The following NECAB2 variants were observed in gnomAD, a reference collection of about 807,000 sequenced individuals.
NECAB2 encodes the protein N-terminal EF-hand calcium-binding protein 2.
Under a neutral mutation model 51.9 loss-of-function variants are expected in NECAB2, and 68 were observed. The ratio of observed to expected loss-of-function variants is 1.31; its 90% CI spans 1.08 to 1.60. The LOEUF (loss-of-function observed/expected upper bound fraction) is 1.60, where lower values mean the gene tolerates loss of function less well. Among genes scored for constraint, NECAB2 ranks in the 40% most tolerant of loss-of-function variants. NECAB2 has a pLI of 0.00. For synonymous variants in NECAB2, 329 were observed against 203.5 expected (o/e 1.62, Z -5.25); for missense variants, 854 against 490.3 (o/e 1.74, Z -7.00).
intron 5 of NECAB2, among the ~76,000 whole-genome samples, chr16:83,987,443 A>G (rs969686829): frequency 4.6e-5 from 7 of 152,198 alleles, no homozygotes; most frequent in Non-Finnish European, 1.0e-4. Context: ...ATATAATGGT[A>G]CGTAGTTGAT....
Position 83,998,291 on chromosome 16 carries a change from G to GA in NECAB2, c.937dup (p.Thr313AsnfsTer25). ...ACTCTCTGCGCCAGTATCTGCGGGGGACCACTGGCGTGAGGAACTGCTTCC... is the reference window on the plus strand; with the variant it reads ...ACTCTCTGCGCCAGTATCTGCGGGGGAACCACTGGCGTGAGGAACTGCTTCC... On this transcript the variant is annotated frameshift_variant, in exon 10 of 13. Transcript: ENST00000305202. LOFTEE classifies it high-confidence loss of function. 4 of 1,613,508 alleles carry GA rather than the reference G, an allele frequency of 2.5e-6. No individual in the cohort carries two copies. The highest frequency in any genetic ancestry group is 1.6e-4 in the Middle Eastern group (1 of 6,062).
At chr16:83,996,223 G>C (rs78735371) in intron 8 of NECAB2, among the ~76,000 whole-genome samples, 3,030 of 152,274 alleles carry the variant, frequency 0.02, 83 homozygotes, top group African/African-American at 0.069. Context: ...TCCAGCCCCA[G>C]GACCCCTCAC....
At chr16:83,977,411 G>C (rs1265417111) in intron 2 of NECAB2, among the ~76,000 whole-genome samples, 2 of 152,184 alleles carry the variant, frequency 1.3e-5, no homozygotes, top group Non-Finnish European at 2.9e-5. Flanking sequence ...CCGCCTCCCA[G>C]AGTCCCTGAT....
At chr16:83,967,709 T>C (rs1294776463), upstream of NECAB2, among the ~76,000 whole-genome samples, 35 of 102,966 alleles carry the variant, frequency 3.4e-4, no homozygotes, top group East Asian at 8.5e-3. Context: ...GATGGACGGA[T>C]GGATGGATGG....
intron 10 of NECAB2, among the ~76,000 whole-genome samples, chr16:83,999,459 G>C (rs1326473522): frequency 6.6e-6 from 1 of 152,166 alleles, no homozygotes; most frequent in East Asian, 1.9e-4. Context: ...CAAGCCTGGA[G>C]AGCCAGGTGA....
intron 9 of NECAB2, 34 bp downstream of exon 9, chr16:83,997,303 C>T (rs772946057): frequency 4.3e-6 from 7 of 1,613,204 alleles, no homozygotes; most frequent in Middle Eastern, 1.6e-4. Context: ...TCTGGGACCA[C>T]ATCCCTACCC....
chr16:83,998,372 G>A, intron 10 of NECAB2, 55 bp downstream of exon 10: 4 of 1,541,086 alleles, frequency 2.6e-6, no homozygotes, highest in South Asian at 2.3e-5. Flanking sequence ...CTGCCTGGCA[G>A]TGGAGGAACA....
chr16:83,995,434 C>A (rs539851424), intron 8 of NECAB2, among the ~76,000 whole-genome samples: 1 of 152,036 alleles, frequency 6.6e-6, no homozygotes, highest in Admixed American at 6.6e-5. Context: ...ATAGGGGTGT[C>A]GTTAGGATGA....
chr16:83,979,326 C>T (rs967050149), intron 3 of NECAB2, among the ~76,000 whole-genome samples: 2 of 152,138 alleles, frequency 1.3e-5, no homozygotes, highest in Non-Finnish European at 2.9e-5. Flanking sequence ...ATTTGGTAAG[C>T]GGAGGTTCTC....
chr16:83,976,192 G>A (rs1371768287), intron 2 of NECAB2, among the ~76,000 whole-genome samples: 1 of 152,142 alleles, frequency 6.6e-6, no homozygotes, highest in Non-Finnish European at 1.5e-5. Context: ...CCCAAAGTGG[G>A]GGTGCCTGAG....
intron 6 of NECAB2, among the ~76,000 whole-genome samples, chr16:83,991,485 G>T (rs370673125): frequency 6.7e-6 from 1 of 148,708 alleles, no homozygotes; most frequent in East Asian, 2.0e-4. Flanking sequence ...TCCTGCCTCA[G>T]CCTCCCTAGT....
chr16:83,970,666 G>A (rs2084338002), intron 1 of NECAB2, among the ~76,000 whole-genome samples: 1 of 152,174 alleles, frequency 6.6e-6, no homozygotes, highest in Non-Finnish European at 1.5e-5. Context: ...CCTGGCCCCA[G>A]CAGCCCTCCC....
chr16:83,996,724 C>G (rs1013179540), intron 8 of NECAB2, among the ~76,000 whole-genome samples: 1 of 152,096 alleles, frequency 6.6e-6, no homozygotes, highest in Admixed American at 6.5e-5. Context: ...TGTGTGGGCA[C>G]CAGTCGTGGG....
At chr16:83,990,027 G>A (rs28728455) in intron 5 of NECAB2, among the ~76,000 whole-genome samples, 1,528 of 152,258 alleles carry the variant, frequency 0.01, 29 homozygotes, top group African/African-American at 0.034. Context: ...AGGAGGGAGG[G>A]AAGGTCGTGG....
At position 83,994,598 on chromosome 16, in the gene NECAB2, C is replaced by T. The variant is rs775200154; in HGVS notation, c.716-11C>T. 6.2e-7 allele frequency: 1 copy of T among 1,614,096 alleles called. No homozygotes were observed. The highest frequency in any genetic ancestry group is 8.5e-7 in the Non-Finnish European group (1 of 1,180,026). ...ACCACTGAAGTCTGTGTGTCTCTTT[C>T]TCTACCGCAGCCACGGAGGATGCAA... On this transcript the variant is annotated splice_polypyrimidine_tract_variant and intron_variant, in intron 7 of 12. Coordinates refer to ENST00000305202, the MANE Select transcript of NECAB2 (RefSeq NM_019065.3).
chr16:83,989,616 C>A (rs1332137946), intron 5 of NECAB2, among the ~76,000 whole-genome samples: 1 of 152,004 alleles, frequency 6.6e-6, no homozygotes, highest in Non-Finnish European at 1.5e-5. Flanking sequence ...TTTGGGAGAC[C>A]CAAGATCCCC....
At position 83,998,214 on chromosome 16, in the gene NECAB2, C is replaced by T. The variant is rs777877025; in HGVS notation, c.859C>T (p.Leu287=). The change falls in exon 10 of 13, where the codon CTG becomes TTG. Residue 287 remains leucine, a synonymous_variant. Coordinates refer to ENST00000305202, the MANE Select transcript of NECAB2 (RefSeq NM_019065.3). ...CTGCTGTGCCCGGCAGCACCTGCAG[C>T]TGGTCCGGCAGGAGATGGCCGTGTG... is the stretch of plus-strand genomic sequence containing the variant. The part of the protein sequence containing the change: ...DEDGTNMHLQ[L]VRQEMAVCPE... The T allele has an allele frequency of 2.5e-6, 4 of 1,609,868 alleles. No individual in the cohort carries two copies. Among genetic ancestry groups the T allele is most frequent in the African/African-American group, 1.3e-5 (1 of 75,052 alleles).
intron 2 of NECAB2, among the ~76,000 whole-genome samples, chr16:83,975,403 A>G (rs937147230): frequency 1.3e-5 from 2 of 152,020 alleles, no homozygotes; most frequent in Non-Finnish European, 2.9e-5. Context: ...CGATAGGCCC[A>G]CAAGCACACA....
upstream of NECAB2, chr16:83,966,377 C>A (rs80084745): frequency 7.7e-6 from 2 of 258,436 alleles, no homozygotes; most frequent in Non-Finnish European, 1.5e-5. Flanking sequence ...GCTGCGTTCC[C>A]GGAACCCTGC....
Sources: allele counts gnomAD v4.1 joint callset (sites outside exome capture counted in the v4.1 genomes callset), GRCh38; gene constraint gnomAD v4.1.1; transcripts MANE v1.5; gene names NCBI Gene and HGNC (gene_info 2026-07-23, HGNC 2026-07-21).